The following PEX7 variants were observed in gnomAD, a reference collection of about 807,000 sequenced individuals.
The protein encoded by PEX7 is PTS2 receptor.
Under a neutral mutation model 47.5 loss-of-function variants are expected in PEX7, and 34 were observed. That is an observed-to-expected ratio of 0.72 (90% CI 0.54 to 0.95). The LOEUF is 0.95. Ranked by LOEUF, PEX7 falls within the 40% of genes least tolerant of loss-of-function variation. The probability of loss-of-function intolerance (pLI) is 0.00; values close to 1 mark genes in which losing one functional copy is unlikely to be tolerated. For synonymous variants in PEX7, 141 were observed against 148.8 expected (o/e 0.95, Z 0.38); for missense variants, 394 against 400.3 (o/e 0.98, Z 0.13).
chr6:136,901,210 C>G (rs1775748201), intron 9 of PEX7: 1 of 152,292 alleles, frequency 6.6e-6, no homozygotes, highest in African/African-American at 2.4e-5. Flanking sequence ...TCACATCAAA[C>G]TCTTTTCTAG....
intron 8 of PEX7, 138 bp downstream of exon 8, chr6:136,872,391 A>G (rs1248946046): frequency 1.4e-6 from 1 of 699,216 alleles, no homozygotes; most frequent in Non-Finnish European, 2.4e-6. Context: ...ATTTACTAGG[A>G]TTAATATTAT....
At chr6:136,876,558 C>G (rs920426329) in intron 8 of PEX7, among the ~76,000 whole-genome samples, 9 of 152,134 alleles carry the variant, frequency 5.9e-5, no homozygotes, top group Non-Finnish European at 1.0e-4. Context: ...TCTCGTTGTT[C>G]AACTCCCACT....
At chr6:136,837,983 T>C (rs977316014) in intron 3 of PEX7, among the ~76,000 whole-genome samples, 1 of 152,198 alleles carries the variant, frequency 6.6e-6, no homozygotes, top group African/African-American at 2.4e-5. Context: ...GCATTTACTT[T>C]CCCTTTCTTG....
chr6:136,898,966 CTG>C (rs1460845165), intron 9 of PEX7, among the ~76,000 whole-genome samples: 1 of 151,460 alleles, frequency 6.6e-6, no homozygotes, highest in Non-Finnish European at 1.5e-5. Context: ...TAGAGCATGA[CTG>C]TGAAATTGTG....
chr6:136,862,552 T>G (rs1244269171), intron 5 of PEX7, among the ~76,000 whole-genome samples: 1 of 152,056 alleles, frequency 6.6e-6, no homozygotes, highest in Non-Finnish European at 1.5e-5. Context: ...ATTTTTAAAT[T>G]TTTTGTAGAG....
At chr6:136,873,592 C>T (rs1180703726) in intron 8 of PEX7, among the ~76,000 whole-genome samples, 1 of 152,056 alleles carries the variant, frequency 6.6e-6, no homozygotes, top group Non-Finnish European at 1.5e-5. Flanking sequence ...TGGTTCTACA[C>T]CTTCATTTCC....
At chr6:136,839,128 C>T (rs1005487948) in intron 3 of PEX7, among the ~76,000 whole-genome samples, 2 of 152,012 alleles carry the variant, frequency 1.3e-5, no homozygotes, top group Non-Finnish European at 2.9e-5. Flanking sequence ...CTGCAGTGAG[C>T]TGTGCTCGTT....
chr6:136,868,044 C>A (rs2115220122), intron 6 of PEX7, among the ~76,000 whole-genome samples: 1 of 152,164 alleles, frequency 6.6e-6, no homozygotes, highest in East Asian at 1.9e-4. Context: ...TTTACTATAC[C>A]TTTTCTATGT....
At position 136,822,653 on chromosome 6, in the gene PEX7, G is replaced by GGCGGCGGGCGGGATGAGT. The variant is rs1235128366; in HGVS notation, c.-8_10dup. On this transcript the variant is annotated 5_prime_UTR_variant, in exon 1 of 10. The change creates a new upstream start codon in the 5' untranslated region. Coordinates refer to ENST00000318471, the MANE Select transcript of PEX7 (RefSeq NM_000288.4). ...CGCGGCCGGGGCAGCGAGGGCCGGGGGCGGCGGGCGGGATGAGTGCGGTGT... is the reference window on the plus strand; with the variant it reads ...CGCGGCCGGGGCAGCGAGGGCCGGGGGCGGCGGGCGGGATGAGTGCGGCGGGCGGGATGAGTGCGGTGT... The GGCGGCGGGCGGGATGAGT allele has an allele frequency of 1.3e-6, 2 of 1,526,230 alleles. No homozygotes were observed. Among genetic ancestry groups the GGCGGCGGGCGGGATGAGT allele is most frequent in the Non-Finnish European group, 1.8e-6 (2 of 1,142,198 alleles). The allele number at this position is 1,526,230 out of a possible 1,614,324, so 94.5% of individuals were successfully genotyped here. A position where few individuals can be genotyped will look rare whatever the true frequency, so the allele number is the denominator to read the frequency against.
intron 1 of PEX7, 170 bp downstream of exon 1, chr6:136,822,965 G>C: frequency 1.0e-6 from 1 of 985,494 alleles, no homozygotes. Flanking sequence ...TCTTTGCCGA[G>C]TGCGAGGAGT....
chr6:136,830,850 G>A (rs955413388), intron 3 of PEX7, among the ~76,000 whole-genome samples: 1 of 151,938 alleles, frequency 6.6e-6, no homozygotes, highest in Non-Finnish European at 1.5e-5. Flanking sequence ...CAAATAACAA[G>A]GTTTATCAAT....
intron 7 of PEX7, among the ~76,000 whole-genome samples, chr6:136,870,547 T>C (rs1041939056): frequency 6.6e-6 from 1 of 152,170 alleles, no homozygotes; most frequent in Non-Finnish European, 1.5e-5. Flanking sequence ...TTTCCTGGCT[T>C]TTATATTTAG....
chr6:136,896,196 C>T (rs1204302408), intron 8 of PEX7, among the ~76,000 whole-genome samples: 1 of 152,118 alleles, frequency 6.6e-6, no homozygotes, highest in African/African-American at 2.4e-5. Flanking sequence ...AATAAATTCT[C>T]GTTGTTTTGT....
intron 5 of PEX7, among the ~76,000 whole-genome samples, chr6:136,853,567 C>T (rs3799474): frequency 0.51 from 76,892 of 151,962 alleles, 20,482 homozygotes; most frequent in Non-Finnish European, 0.59. Context: ...CATTTTATTT[C>T]ATTATTTTTA....
chr6:136,835,928 G>T (rs1275561422), intron 3 of PEX7, among the ~76,000 whole-genome samples: 1 of 152,148 alleles, frequency 6.6e-6, no homozygotes, highest in Non-Finnish European at 1.5e-5. Context: ...AACTATAATA[G>T]AATATGTTCA....
intron 5 of PEX7, among the ~76,000 whole-genome samples, chr6:136,863,456 T>C (rs1316762745): frequency 2.6e-5 from 4 of 152,102 alleles, no homozygotes; most frequent in Non-Finnish European, 5.9e-5. Flanking sequence ...AAAGCAGTAG[T>C]AGTACGTATT....
intron 8 of PEX7, among the ~76,000 whole-genome samples, chr6:136,873,476 T>G (rs2115231591): frequency 6.6e-6 from 1 of 152,306 alleles, no homozygotes; most frequent in East Asian, 1.9e-4. Flanking sequence ...ATGCCAATTT[T>G]GATACTCAGT....
chr6:136,823,363 A>T lies in PEX7; in HGVS notation c.130+568A>T, dbSNP rs948653450. The stretch of plus-strand genomic sequence containing the variant: ...TCTTACCTGTAGTTGTCTAACGAGG[A>T]ATGCACACATTCGCAAGTAGGTGTT... On this transcript the variant is annotated intron_variant, in intron 1 of 9. Coordinates refer to ENST00000318471, the MANE Select transcript of PEX7 (RefSeq NM_000288.4). The T allele has an allele frequency of 2.8e-5, 28 of 985,150 alleles. No individual in the cohort carries two copies. The Middle Eastern group carries it at 2.1e-3, about 73-fold the overall frequency. 61.0% of individuals were successfully genotyped at this position (985,150 alleles called of 1,614,324 possible). A position where few individuals can be genotyped will look rare whatever the true frequency, so the allele number is the denominator to read the frequency against.
At chr6:136,830,682 A>G (rs1208840276) in intron 3 of PEX7, among the ~76,000 whole-genome samples, 1 of 152,212 alleles carries the variant, frequency 6.6e-6, no homozygotes, top group African/African-American at 2.4e-5. Context: ...TGACAATTTT[A>G]TTTCACTGCT....
Sources: gnomAD v4.1 joint callset for allele counts (sites outside exome capture counted in the v4.1 genomes callset) on GRCh38, gnomAD v4.1.1 for gene constraint, MANE v1.5 for transcripts, NCBI Gene and HGNC (gene_info 2026-07-23, HGNC 2026-07-21) for gene names.